DENND4B: variants seen among roughly 807,000 people sequenced by gnomAD.
The protein encoded by DENND4B is DENN domain containing 4B, also known as DENN domain-containing protein 4B.
A neutral mutation model predicts 161.0 loss-of-function variants in DENND4B; 67 were observed. The ratio of observed to expected loss-of-function variants is 0.42; its 90% CI spans 0.34 to 0.51. DENND4B has a LOEUF of 0.51. Among genes scored for constraint, DENND4B ranks in the 20% least tolerant of loss-of-function variants. DENND4B has a pLI of 0.08. For missense variants in DENND4B, 1,481 were observed against 1,968.0 expected (o/e 0.75, Z 4.68); for synonymous variants, 753 against 813.8 (o/e 0.93, Z 1.27).
intron 1 of DENND4B, chr1:153,945,346 G>A (rs1310143815): frequency 4.4e-5 from 16 of 360,584 alleles, no homozygotes; most frequent in African/African-American, 4.3e-5. Context: ...GTGTGGTGGC[G>A]GTGGCGGTGG....
intron 13 of DENND4B, 130 bp downstream of exon 13, chr1:153,938,770 A>T: frequency 2.0e-6 from 1 of 512,524 alleles, no homozygotes; most frequent in Non-Finnish European, 3.0e-6. Flanking sequence ...AATAAATAAA[A>T]TAAAATGGCC....
rs1022174163 is a variant in DENND4B at position 153,933,408 on chromosome 1, T to C, written c.3330+75A>G. ...CAAGCACCCCTCAGAGCCCCCTTTT[T>C]GAGCATTCTTCCAGTCGTAGCCCCT... On this transcript the variant is annotated intron_variant, in intron 20 of 27. Coordinates refer to ENST00000361217, the MANE Select transcript of DENND4B (RefSeq NM_014856.3). This position sits in a 1 kb window ranked among gnomAD's most constrained non-coding sequence, Gnocchi z 5.7. The C allele has an allele frequency of 4.4e-6, 7 of 1,606,384 alleles. No homozygotes were observed. The highest frequency in any genetic ancestry group is 6.0e-6 in the Non-Finnish European group (7 of 1,176,370).
intron 2 of DENND4B, 133 bp from the exon 3 acceptor site, chr1:153,943,263 C>T: frequency 3.2e-6 from 4 of 1,267,688 alleles, no homozygotes; most frequent in Non-Finnish European, 4.3e-6. Context: ...AACACTAGGG[C>T]CCACCTCTTC....
At position 153,944,431 on chromosome 1, in the gene DENND4B, G is replaced by A. The variant is rs995545562; in HGVS notation, c.-23-34C>T. 9.3e-6 allele frequency: 14 copies of A among 1,507,564 alleles called. No individual in the cohort carries two copies. The highest frequency in any genetic ancestry group is 1.2e-5 in the Non-Finnish European group (13 of 1,124,402). 93.4% of individuals were successfully genotyped at this position (1,507,564 alleles called of 1,614,324 possible). ...GTCAAGTGGGAGAGAGATGAAGCAA[G>A]GAAGGCTGGGGATGCCATGGCAACC... On this transcript the variant is annotated intron_variant, in intron 1 of 27. Transcript: ENST00000361217. The surrounding 1 kb of genome is among the most constrained non-coding windows in gnomAD (Gnocchi z 4.8).
At chr1:153,938,057 A>G (rs1240004130) in intron 13 of DENND4B, among the ~76,000 whole-genome samples, 194 bp from the exon 14 acceptor site, 3 of 152,228 alleles carry the variant, frequency 2.0e-5, no homozygotes, top group Admixed American at 2.0e-4. Flanking sequence ...CAGGTTGTGC[A>G]CTGTATAACT....
chr1:153,942,760 T>C lies in DENND4B; in HGVS notation c.570+118A>G. 2 of 1,477,056 alleles carry C rather than the reference T, an allele frequency of 1.4e-6. No individual in the cohort carries two copies. The highest frequency in any genetic ancestry group is 1.8e-6 in the Non-Finnish European group (2 of 1,108,978). The allele number at this position is 1,477,056 out of a possible 1,614,324, so 91.5% of individuals were successfully genotyped here. Reference sequence around the variant, plus strand: ...AATCCCAGTGCCCCAAGACCAGAGTTACCCCTCTGGACTCACCCCTGTGGT... The same window carrying C: ...AATCCCAGTGCCCCAAGACCAGAGTCACCCCTCTGGACTCACCCCTGTGGT... On this transcript the variant is annotated intron_variant, in intron 3 of 27. Transcript: ENST00000361217. This position sits in a 1 kb window ranked among gnomAD's most constrained non-coding sequence, Gnocchi z 6.9.
intron 24 of DENND4B, among the ~76,000 whole-genome samples, chr1:153,931,853 G>A (rs1678964109): frequency 6.7e-6 from 1 of 149,976 alleles, no homozygotes; most frequent in Admixed American, 6.7e-5. Context: ...GCTCAGGCTG[G>A]AGGGCAATGG....
Position 153,940,026 on chromosome 1 carries a change from AG to A in DENND4B, c.1603+129del, listed in dbSNP as rs1479513736. 2 of 891,860 alleles carry A rather than the reference AG, an allele frequency of 2.2e-6. No homozygotes were observed. The highest frequency in any genetic ancestry group is 1.7e-5 in the African/African-American group (1 of 58,998). The allele number at this position is 891,860 out of a possible 1,614,324, so 55.2% of individuals were successfully genotyped here. A position where few individuals can be genotyped will look rare whatever the true frequency, so the allele number is the denominator to read the frequency against. On this transcript the variant is annotated intron_variant, in intron 11 of 27. Transcript: ENST00000361217. This position sits in a 1 kb window ranked among gnomAD's most constrained non-coding sequence, Gnocchi z 5.6. Reference sequence around the variant, plus strand: ...TTCAGTTGGAATTGGAATCTCCCTCAGTTCCACCAAATGCAATCCTAACTTC... The same window carrying A: ...TTCAGTTGGAATTGGAATCTCCCTCATTCCACCAAATGCAATCCTAACTTC...
intron 17 of DENND4B, chr1:153,935,726 T>C (rs1412223725): frequency 3.6e-6 from 1 of 281,512 alleles, no homozygotes; most frequent in Non-Finnish European, 7.0e-6. Context: ...CCTCATCTCC[T>C]CTTCTATAAG....
chr1:153,939,128 G>C, intron 12 of DENND4B, 83 bp from the exon 13 acceptor site: 1 of 1,509,778 alleles, frequency 6.6e-7, no homozygotes, highest in Non-Finnish European at 9.0e-7. Context: ...TCTCTTCTTG[G>C]CTCCCTGCCC....
At chr1:153,943,405 C>T (rs12044455) in intron 2 of DENND4B, among the ~76,000 whole-genome samples, 19,587 of 152,178 alleles carry the variant, frequency 0.13, 1,746 homozygotes, top group East Asian at 0.49. Context: ...CAGCTGGGCA[C>T]GGTGGCTCAT....
chr1:153,930,419 A>G lies in DENND4B; in HGVS notation c.4369T>C (p.Ser1457Pro). The G allele has an allele frequency of 1.2e-6, 2 of 1,613,982 alleles. No individual in the cohort carries two copies. Among genetic ancestry groups the G allele is most frequent in the East Asian group, 2.2e-5 (1 of 44,876 alleles). Residue 1457 changes from serine to proline, a missense_variant, in exon 28 of 28, where the codon TCT becomes CCT. Physicochemically the swap from Ser to Pro is moderately conservative, Grantham distance 74. Coordinates refer to ENST00000361217, the MANE Select transcript of DENND4B (RefSeq NM_014856.3). This position sits in a 1 kb window ranked among gnomAD's most constrained non-coding sequence, Gnocchi z 4.7. The stretch of plus-strand genomic sequence containing the variant: ...CTGCTGGCCAGCTTGTTAAAGGCAG[A>G]CTTGTACTTCTTATCGAAGGCCACT... Reference protein sequence around the residue: ...DIVAFDKKYKSAFNKLASSMG... With the variant: ...DIVAFDKKYKPAFNKLASSMG...
chr1:153,932,373 A>G lies in DENND4B; in HGVS notation c.3827T>C (p.Leu1276Pro). Residue 1276 changes from leucine to proline, a missense_variant, in exon 24 of 28, where the codon CTG (leucine) becomes CCG (proline). By Grantham distance (98) the Leu-to-Pro change is moderately conservative. Transcript: ENST00000361217. This position sits in a 1 kb window ranked among gnomAD's most constrained non-coding sequence, Gnocchi z 5.8. ...GCCCTCGTTCTCTACCAGCGACTCC[A>G]GCTCCTTACGCAGCACCAGGGGGCT... The part of the protein sequence containing the change: ...YLSPLVLRKE[L>P]ESLVENEGSE... The G allele has an allele frequency of 6.2e-7, 1 of 1,613,760 alleles. No individual in the cohort carries two copies. Among genetic ancestry groups the G allele is most frequent in the Non-Finnish European group, 8.5e-7 (1 of 1,179,798 alleles).
intron 2 of DENND4B, among the ~76,000 whole-genome samples, chr1:153,943,822 C>T (rs928036871): frequency 4.6e-5 from 7 of 152,084 alleles, no homozygotes; most frequent in Non-Finnish European, 7.4e-5. Context: ...GGAAAACAGG[C>T]CCAGAGGAGC....
rs199987020 is a variant in DENND4B at position 153,932,914 on chromosome 1, G to A, written c.3570C>T (p.Cys1190=). 109 of 1,614,010 alleles carry A rather than the reference G, an allele frequency of 6.8e-5. No individual in the cohort carries two copies. Among genetic ancestry groups the A allele is most frequent in the Non-Finnish European group, 8.9e-5 (105 of 1,179,880 alleles). ...TGAGCAGGGGCACAAAGGGGCAGGC[G>A]CAGAAGGGGCAGGTTGTGTTGAGGT... The part of the protein sequence containing the change: ...DSNLNTTCPF[C]ACPFVPLLSV... Residue 1190 remains cysteine (C), a synonymous_variant, in exon 22 of 28, where the codon TGC becomes TGT. Transcript: ENST00000361217. The surrounding 1 kb of genome is among the most constrained non-coding windows in gnomAD (Gnocchi z 5.8).
chr1:153,937,592 G>A lies in DENND4B; in HGVS notation c.2128C>T (p.Arg710Trp), dbSNP rs1372689101. 3.7e-6 allele frequency: 6 copies of A among 1,612,910 alleles called. No individual in the cohort carries two copies. The highest frequency in any genetic ancestry group is 5.1e-6 in the Non-Finnish European group (6 of 1,179,324). Residue 710 changes from arginine to tryptophan, a missense_variant, in exon 15 of 28, where the codon CGG (arginine) becomes TGG (tryptophan). This residue lies in a region of DENND4B where 806 missense variants were observed against 1,134.4 expected (regional missense o/e 0.71). Coordinates refer to ENST00000361217, the MANE Select transcript of DENND4B (RefSeq NM_014856.3). This position sits in a 1 kb window ranked among gnomAD's most constrained non-coding sequence, Gnocchi z 4.7. The part of the protein sequence containing the change: ...QYCYDGFPEL[R>W]AELFESLQEQ... The stretch of plus-strand genomic sequence containing the variant: ...TGAAGAGACTCAAACAACTCAGCCC[G>A]TAGCTCTGGGAATCCATCATAGCTG...
chr1:153,933,669 A>C lies in DENND4B; in HGVS notation c.3144T>G (p.Asp1048Glu). ...GCCCTCGTCGGGGGGTGCCTGCCTC[A>C]TCCTGTCGCCCACCAGCCTTGGGTC... The part of the protein sequence containing the change: ...GRGPKAGGRQ[D>E]EAGTPRRGLG... Residue 1048 changes from aspartate (D) to glutamate (E), a missense_variant, in exon 20 of 28, where the codon GAT becomes GAG. Asp to Glu is a conservative substitution (Grantham distance 45). Coordinates refer to ENST00000361217, the MANE Select transcript of DENND4B (RefSeq NM_014856.3). The surrounding 1 kb of genome is among the most constrained non-coding windows in gnomAD (Gnocchi z 5.7). 1.3e-6 allele frequency: 2 copies of C among 1,570,688 alleles called. No homozygotes were observed. The highest frequency in any genetic ancestry group is 1.7e-6 in the Non-Finnish European group (2 of 1,159,666).
In DENND4B at chr1:153,942,406, G is replaced by A. The variant is rs1348265508; in HGVS notation, c.641-50C>T. 1 of 1,592,980 alleles carries A rather than the reference G, an allele frequency of 6.3e-7. No homozygotes were observed. The highest frequency in any genetic ancestry group is 2.3e-5 in the East Asian group (1 of 44,060). On this transcript the variant is annotated intron_variant, in intron 4 of 27. Transcript: ENST00000361217. This position sits in a 1 kb window ranked among gnomAD's most constrained non-coding sequence, Gnocchi z 6.9. ...TACCCAAAAGGAGCAGGGTCCATCA[G>A]ACTCCAAGGGAAATGAACCAAGGGA... is the stretch of plus-strand genomic sequence containing the variant.
In DENND4B at chr1:153,932,075, G is replaced by A. The variant is rs569859572; in HGVS notation, c.3996+129C>T. 63 of 870,244 alleles carry A rather than the reference G, an allele frequency of 7.2e-5. No individual in the cohort carries two copies. The highest frequency in any genetic ancestry group is 1.1e-4 in the Non-Finnish European group (61 of 566,194). 53.9% of individuals were successfully genotyped at this position (870,244 alleles called of 1,614,324 possible). A position where few individuals can be genotyped will look rare whatever the true frequency, so the allele number is the denominator to read the frequency against. On this transcript the variant is annotated intron_variant, in intron 24 of 27. Transcript: ENST00000361217. This position sits in a 1 kb window ranked among gnomAD's most constrained non-coding sequence, Gnocchi z 5.8. ...GCCCACCTCGGCCTCCCAAAGTGCT[G>A]GGATTACAGGCATGAGCCACCGTGC...
Sources: allele counts gnomAD v4.1 joint callset (sites outside exome capture counted in the v4.1 genomes callset), GRCh38; gene constraint gnomAD v4.1.1; regional missense constraint gnomAD v4.1.1; non-coding constraint Gnocchi (gnomAD v3.1); transcripts MANE v1.5; gene names NCBI Gene and HGNC (gene_info 2026-07-23, HGNC 2026-07-21).